DAAM2: variants seen among roughly 807,000 people sequenced by gnomAD.
DAAM2 encodes the protein disheveled-associated activator of morphogenesis 2.
DAAM2 carries 39 observed loss-of-function variants against 120.7 expected under a neutral mutation model. The observed-to-expected ratio is 0.32, with a 90% CI of 0.25 to 0.42. The LOEUF (loss-of-function observed/expected upper bound fraction) is 0.42. Ranked by LOEUF, DAAM2 falls within the 10% of genes least tolerant of loss-of-function variation. DAAM2 has a pLI of 1.00. For synonymous variants in DAAM2, 488 were observed against 524.9 expected, an observed-to-expected ratio of 0.93 and a Z score of 0.96; for missense variants, 1,283 against 1,401.7, an observed-to-expected ratio of 0.92 and a Z score of 1.35.
intron 1 of DAAM2, among the ~76,000 whole-genome samples, chr6:39,842,319 A>G (rs1763373238): frequency 1.3e-5 from 2 of 152,128 alleles, no homozygotes; most frequent in African/African-American, 4.8e-5. Flanking sequence ...TAGATGGGGG[A>G]GAAGTTAATT....
At chr6:39,852,074 G>A (rs778213994) in intron 1 of DAAM2, among the ~76,000 whole-genome samples, 2 of 152,224 alleles carry the variant, frequency 1.3e-5, no homozygotes, top group African/African-American at 2.4e-5. Flanking sequence ...GTCCCCACAG[G>A]AAGAGGGGAG....
At chr6:39,868,765 G>A in intron 6 of DAAM2, 58 bp from the exon 7 acceptor site, 2 of 1,294,940 alleles carry the variant, frequency 1.5e-6, no homozygotes, top group Non-Finnish European at 1.1e-6. Context: ...AGATGCAAAG[G>A]CCACACCTGT....
At chr6:39,897,867 C>T (rs1272982896) in intron 21 of DAAM2, among the ~76,000 whole-genome samples, 3 of 152,134 alleles carry the variant, frequency 2.0e-5, no homozygotes, top group African/African-American at 4.8e-5. Flanking sequence ...AATTACAATG[C>T]GAATGCTGAG....
intron 1 of DAAM2, among the ~76,000 whole-genome samples, chr6:39,831,473 C>G (rs1582637556): frequency 6.6e-6 from 1 of 151,998 alleles, no homozygotes; most frequent in Non-Finnish European, 1.5e-5. Context: ...TATTATTATT[C>G]TCATTTTCAC....
At chr6:39,840,831 T>G (rs1763296288) in intron 1 of DAAM2, among the ~76,000 whole-genome samples, 1 of 151,404 alleles carries the variant, frequency 6.6e-6, no homozygotes, top group Non-Finnish European at 1.5e-5. Context: ...CCAGGGAGAG[T>G]GGCTGTAATT....
chr6:39,823,280 C>T (rs1762552204), intron 1 of DAAM2: 1 of 152,118 alleles, frequency 6.6e-6, no homozygotes, highest in South Asian at 2.1e-4. Context: ...ATGGGTGTCC[C>T]AAGAGGAAAT....
At position 39,878,908 on chromosome 6, in the gene DAAM2, C is replaced by A. The variant is rs573528230; in HGVS notation, c.1546-270C>A. On this transcript the variant is annotated intron_variant, in intron 13 of 24. Transcript: ENST00000274867. The surrounding 1 kb of genome is among the most constrained non-coding windows in gnomAD (Gnocchi z 5.0). Reference sequence around the variant, plus strand: ...AACCTACACAACTGCATAGATCAGTCCTGCTGTTGCATTGTGATGGCTATG... The same window carrying A: ...AACCTACACAACTGCATAGATCAGTACTGCTGTTGCATTGTGATGGCTATG... Among the ~76,000 whole-genome samples the A allele has an allele frequency of 6.6e-6, 1 of 152,102 alleles. No homozygotes were observed.
intron 1 of DAAM2, among the ~76,000 whole-genome samples, chr6:39,846,158 G>A (rs1763580533): frequency 6.6e-6 from 1 of 152,152 alleles, no homozygotes; most frequent in South Asian, 2.1e-4. Flanking sequence ...GAGCTTGGGA[G>A]ACTATAGCTC....
At chr6:39,813,206 C>T (rs1261304900) in intron 1 of DAAM2, among the ~76,000 whole-genome samples, 1 of 151,864 alleles carries the variant, frequency 6.6e-6, no homozygotes, top group Non-Finnish European at 1.5e-5. Context: ...TTCTCCTCAC[C>T]TACAGGCCAC....
At chr6:39,805,705 C>T (rs1761990913) in intron 1 of DAAM2, among the ~76,000 whole-genome samples, 2 of 152,072 alleles carry the variant, frequency 1.3e-5, no homozygotes, top group African/African-American at 4.8e-5. Context: ...CAGGCACCCA[C>T]CACCACACCC....
chr6:39,901,163 T>C lies in DAAM2; in HGVS notation c.2812-139T>C, dbSNP rs1338139085. ...ATGATGATGGGGGTGTCTTCTCACCTCTTCCAGCCCTGCCCCCTGTGCCAA... is the reference window on the plus strand; with the variant it reads ...ATGATGATGGGGGTGTCTTCTCACCCCTTCCAGCCCTGCCCCCTGTGCCAA... On this transcript the variant is annotated intron_variant, in intron 23 of 24. Coordinates refer to ENST00000274867, the MANE Select transcript of DAAM2 (RefSeq NM_001201427.2). This position sits in a 1 kb window ranked among gnomAD's most constrained non-coding sequence, Gnocchi z 4.5. The C allele has an allele frequency of 2.7e-6, 2 of 733,164 alleles. No homozygotes were observed. The highest frequency in any genetic ancestry group is 4.6e-6 in the Non-Finnish European group (2 of 431,234). The allele number at this position is 733,164 out of a possible 1,614,324, so 45.4% of individuals were successfully genotyped here. A position where few individuals can be genotyped will look rare whatever the true frequency, so the allele number is the denominator to read the frequency against.
intron 15 of DAAM2, chr6:39,885,939 T>C (rs1021488686): frequency 2.6e-5 from 4 of 153,260 alleles, no homozygotes; most frequent in African/African-American, 9.6e-5. Context: ...AGTGAGCAAA[T>C]TCAAGGGCAC....
Position 39,888,703 on chromosome 6 carries a change from C to T in DAAM2, c.2085C>T (p.Ile695=). 1 of 1,613,202 alleles carries T rather than the reference C, an allele frequency of 6.2e-7. No homozygotes were observed. Among genetic ancestry groups the T allele is most frequent in the Non-Finnish European group, 8.5e-7 (1 of 1,179,438 alleles). ...GGTTGAAGCTTTCTAACGAGGAGATCCGGCAGGCCATCTTGAAGATGGATG... is the reference window on the plus strand; with the variant it reads ...GGTTGAAGCTTTCTAACGAGGAGATTCGGCAGGCCATCTTGAAGATGGATG... ...LSKLKLSNEE[I]RQAILKMDEQ... The change falls in exon 17 of 25, where the codon ATC becomes ATT. Residue 695 remains isoleucine (I), a synonymous_variant. Coordinates refer to ENST00000274867, the MANE Select transcript of DAAM2 (RefSeq NM_001201427.2).
intron 6 of DAAM2, 85 bp from the exon 7 acceptor site, chr6:39,868,738 G>A (rs1764528001): frequency 1.1e-6 from 1 of 945,440 alleles, no homozygotes. Flanking sequence ...TCTAGGTAGT[G>A]GAGGCGACAG....
chr6:39,876,735 G>A (rs529655512), intron 11 of DAAM2, among the ~76,000 whole-genome samples: 1 of 152,094 alleles, frequency 6.6e-6, no homozygotes, highest in East Asian at 1.9e-4. Flanking sequence ...GTGTGCGTGT[G>A]TGTATGTGCA....
At chr6:39,805,193 A>G (rs949083451) in intron 1 of DAAM2, among the ~76,000 whole-genome samples, 1 of 152,188 alleles carries the variant, frequency 6.6e-6, no homozygotes, top group Non-Finnish European at 1.5e-5. Context: ...AAGTTTTGGT[A>G]TAGCACAGTG....
At chr6:39,815,006 A>G (rs902880541) in intron 1 of DAAM2, among the ~76,000 whole-genome samples, 1 of 152,222 alleles carries the variant, frequency 6.6e-6, no homozygotes, top group Non-Finnish European at 1.5e-5. Flanking sequence ...TCTCACTGCC[A>G]CAAACAGAGG....
chr6:39,901,147 G>C lies in DAAM2; in HGVS notation c.2812-155G>C, dbSNP rs1766455858. Among the ~76,000 whole-genome samples the C allele has an allele frequency of 1.3e-5, 2 of 152,000 alleles. No individual in the cohort carries two copies. The highest frequency in any genetic ancestry group is 2.9e-5 in the Non-Finnish European group (2 of 67,986). On this transcript the variant is annotated intron_variant, in intron 23 of 24. Coordinates refer to ENST00000274867, the MANE Select transcript of DAAM2 (RefSeq NM_001201427.2). This position sits in a 1 kb window ranked among gnomAD's most constrained non-coding sequence, Gnocchi z 4.5. ...CTTGTCTCTGATCCTGATGATGATG[G>C]GGGTGTCTTCTCACCTCTTCCAGCC...
At chr6:39,855,160 G>C (rs1236948222) in intron 1 of DAAM2, among the ~76,000 whole-genome samples, 3 of 152,312 alleles carry the variant, frequency 2.0e-5, no homozygotes, top group African/African-American at 7.2e-5. Context: ...GTAGCAGTTT[G>C]GTGCATAAGC....
Sources: allele counts gnomAD v4.1 joint callset (sites outside exome capture counted in the v4.1 genomes callset), GRCh38; gene constraint gnomAD v4.1.1; non-coding constraint Gnocchi (gnomAD v3.1); transcripts MANE v1.5; gene names NCBI Gene and HGNC (gene_info 2026-07-23, HGNC 2026-07-21).